Variants in PUDP observed in about 807,000 individuals in gnomAD.
PUDP encodes pseudouridine 5'-phosphatase.
In PUDP, 8 loss-of-function variants were observed where a neutral mutation model predicts 9.4. The observed-to-expected ratio is 0.85, with a 90% CI of 0.50 to 1.53. The LOEUF (loss-of-function observed/expected upper bound fraction) is 1.53. PUDP is among the 40% of genes most tolerant of loss of function. The pLI is 0.00. For synonymous variants in PUDP, 99 were observed against 80.7 expected (o/e 1.23, Z -1.22); for missense variants, 188 against 189.7 (o/e 0.99, Z 0.05).
intron 3 of PUDP, among the ~76,000 whole-genome samples, chrX:6,869,035 G>A (rs1042742035): frequency 1.8e-5 from 2 of 111,840 alleles, no homozygotes; most frequent in Non-Finnish European, 3.8e-5. Context: ...GTTCATGCTG[G>A]CATTTTATCC....
intron 1 of PUDP, among the ~76,000 whole-genome samples, chrX:6,997,782 G>A (rs911540385): frequency 2.7e-5 from 3 of 111,451 alleles, no homozygotes; most frequent in Non-Finnish European, 3.8e-5. Context: ...TAGAAGTTAC[G>A]TGAGATTGCT....
chrX:7,015,161 G>C (rs1281940988), intron 1 of PUDP, among the ~76,000 whole-genome samples: 5 of 112,116 alleles, frequency 4.5e-5, no homozygotes, highest in African/African-American at 1.6e-4. Context: ...ACAAAAGGAA[G>C]ATTCACAGGA....
At chrX:6,724,779 A>T (rs1006968007), upstream of PUDP, among the ~76,000 whole-genome samples, 20 of 111,345 alleles carry the variant, frequency 1.8e-4, no homozygotes, top group African/African-American at 6.5e-4. Context: ...AATATTTGTA[A>T]GAGTGAGGGT....
chrX:6,781,717 G>A (rs1262519913), intron 3 of PUDP, among the ~76,000 whole-genome samples: 1 of 112,291 alleles, frequency 8.9e-6, no homozygotes, highest in Non-Finnish European at 1.9e-5. Context: ...ATTCCACTAG[G>A]GAAGTAGTTC....
chrX:6,925,229 C>T (rs770123003), intron 3 of PUDP, among the ~76,000 whole-genome samples: 8 of 111,879 alleles, frequency 7.2e-5, no homozygotes, highest in African/African-American at 9.7e-5. Flanking sequence ...GCAGGAGAAT[C>T]GCCTGAACCT....
chrX:7,053,329 C>T (rs1482766616), intron 3 of PUDP, among the ~76,000 whole-genome samples: 1 of 111,308 alleles, frequency 9.0e-6, no homozygotes, highest in East Asian at 2.8e-4. Flanking sequence ...TGGAAGGCAC[C>T]CAATACACCT....
At position 6,871,148 on chromosome X, in the gene PUDP, C is replaced by T. The variant is rs747548968; in HGVS notation, c.*247+105985G>A. 1.4e-4 allele frequency among the ~76,000 whole-genome samples: 16 copies of T among 112,046 alleles called. No homozygotes were observed. The East Asian group carries it at 2.8e-3, about 20-fold the overall frequency. On this transcript the variant is annotated intron_variant and NMD_transcript_variant, in intron 3 of 3. Transcript: ENST00000655425. The stretch of plus-strand genomic sequence containing the variant: ...GTGGACTAGAGACCAGTCCCTTTAC[C>T]ACAAGGCAGGGCAAATCTGTAGCAC...
At chrX:6,845,294 G>A (rs142504737) in intron 3 of PUDP, among the ~76,000 whole-genome samples, 28 of 111,941 alleles carry the variant, frequency 2.5e-4, no homozygotes, top group Non-Finnish European at 4.1e-4. Flanking sequence ...ATTGAGAAGC[G>A]TGAAGCTGGG....
intron 3 of PUDP, among the ~76,000 whole-genome samples, chrX:6,934,277 G>A (rs1328263902): frequency 8.7e-5 from 9 of 103,110 alleles, no homozygotes; most frequent in African/African-American, 1.4e-4. Flanking sequence ...GACTAACAGC[G>A]GATCTCTCAG....
At chrX:6,824,021 C>A (rs1359467831) in intron 3 of PUDP, among the ~76,000 whole-genome samples, 1 of 111,821 alleles carries the variant, frequency 8.9e-6, no homozygotes, top group Admixed American at 9.4e-5. Context: ...AAGGACTTTA[C>A]GACCTGTGAT....
intron 3 of PUDP, among the ~76,000 whole-genome samples, chrX:6,909,047 T>C (rs1244968786): frequency 8.9e-6 from 1 of 111,883 alleles, no homozygotes; most frequent in African/African-American, 3.2e-5. Flanking sequence ...GATCCAAAGA[T>C]ACCTGGATCT....
chrX:7,003,097 A>G (rs1425882455), intron 1 of PUDP, among the ~76,000 whole-genome samples: 1 of 112,044 alleles, frequency 8.9e-6, no homozygotes, highest in African/African-American at 3.3e-5. Context: ...CCAATTCCTG[A>G]GACGAAACAG....
Position 6,883,245 on chromosome X carries a change from G to A in PUDP, c.*247+93888C>T, listed in dbSNP as rs750646030. Among the ~76,000 whole-genome samples the A allele has an allele frequency of 2.7e-5, 3 of 111,562 alleles. No individual in the cohort carries two copies. The South Asian group carries it at 1.1e-3, about 42-fold the overall frequency. ...CTTTAAAATATTTTAAATAAGGCCG[G>A]GTACAGTGGCTCAAGCCTGTAATCC... On this transcript the variant is annotated intron_variant and NMD_transcript_variant, in intron 3 of 3. Transcript: ENST00000655425.
At chrX:6,833,923 T>G (rs1462313591) in intron 3 of PUDP, among the ~76,000 whole-genome samples, 1 of 112,497 alleles carries the variant, frequency 8.9e-6, no homozygotes, top group Non-Finnish European at 1.9e-5. Flanking sequence ...AAAGACATTC[T>G]TTAAAAATAA....
At chrX:6,989,046 C>T (rs766535172) in intron 1 of PUDP, among the ~76,000 whole-genome samples, 1 of 111,534 alleles carries the variant, frequency 9.0e-6, no homozygotes, top group Admixed American at 9.6e-5. Flanking sequence ...ACTGGAATGT[C>T]GCTTCTTCAA....
At chrX:6,998,088 T>G (rs369213260) in intron 1 of PUDP, among the ~76,000 whole-genome samples, 6 of 111,950 alleles carry the variant, frequency 5.4e-5, no homozygotes, top group African/African-American at 1.9e-4. Flanking sequence ...TAAGATCAGC[T>G]TACAAGTATT....
intron 1 of PUDP, among the ~76,000 whole-genome samples, chrX:6,988,310 T>C (rs1929129753): frequency 1.8e-5 from 2 of 111,335 alleles, no homozygotes; most frequent in Non-Finnish European, 3.8e-5. Flanking sequence ...CCCCTAAACA[T>C]GCATATTCCT....
intron 1 of PUDP, among the ~76,000 whole-genome samples, chrX:6,988,213 C>A (rs1416370456): frequency 1.8e-5 from 2 of 111,721 alleles, no homozygotes; most frequent in Admixed American, 1.9e-4. Context: ...CGAAACCCAG[C>A]GAGGTCAGGC....
intron 3 of PUDP, among the ~76,000 whole-genome samples, chrX:6,964,766 T>C (rs1256783234): frequency 8.9e-6 from 1 of 111,955 alleles, no homozygotes; most frequent in Non-Finnish European, 1.9e-5. Flanking sequence ...CATGCCGCCA[T>C]GGATTAAAGG....
Sources: gnomAD v4.1 joint callset for allele counts (sites outside exome capture counted in the v4.1 genomes callset) on GRCh38, gnomAD v4.1.1 for gene constraint, MANE v1.5 for transcripts, NCBI Gene and HGNC (gene_info 2026-07-23, HGNC 2026-07-21) for gene names.